The following FBXL7 variants were observed in gnomAD, a reference collection of about 807,000 sequenced individuals.
FBXL7 encodes F-box/LRR-repeat protein 7.
A neutral mutation model predicts 38.3 loss-of-function variants in FBXL7; 12 were observed. The observed-to-expected ratio is 0.31, with a 90% CI of 0.20 to 0.51. The LOEUF is 0.51. Ranked by LOEUF, FBXL7 falls within the 20% of genes least tolerant of loss-of-function variation. The probability of loss-of-function intolerance (pLI) is 0.98; values close to 1 mark genes in which losing one functional copy is unlikely to be tolerated. For synonymous variants in FBXL7, 297 were observed against 300.9 expected (o/e 0.99, Z 0.13); for missense variants, 567 against 676.4 (o/e 0.84, Z 1.79).
At chr5:15,606,506 G>A (rs897178078) in intron 1 of FBXL7, among the ~76,000 whole-genome samples, 1 of 152,238 alleles carries the variant, frequency 6.6e-6, no homozygotes, top group Non-Finnish European at 1.5e-5. Context: ...ATCTTGCTCA[G>A]TGGCCCTGAG....
intron 2 of FBXL7, among the ~76,000 whole-genome samples, chr5:15,822,049 C>G (rs1013294228): frequency 6.6e-6 from 1 of 151,968 alleles, no homozygotes; most frequent in Non-Finnish European, 1.5e-5. Context: ...CAAATCATGT[C>G]CCCTAAAACA....
At chr5:15,876,797 T>C (rs1207998070) in intron 2 of FBXL7, among the ~76,000 whole-genome samples, 1 of 152,190 alleles carries the variant, frequency 6.6e-6, no homozygotes, top group Non-Finnish European at 1.5e-5. Flanking sequence ...AGGTAATGCC[T>C]TTTAGAAAGT....
At chr5:15,564,098 C>G (rs1414391441) in intron 1 of FBXL7, among the ~76,000 whole-genome samples, 1 of 152,046 alleles carries the variant, frequency 6.6e-6, no homozygotes, top group East Asian at 1.9e-4. Flanking sequence ...CTGGTATATA[C>G]TGAACCATTT....
At chr5:15,790,863 G>A (rs1371268811) in intron 2 of FBXL7, among the ~76,000 whole-genome samples, 2 of 152,160 alleles carry the variant, frequency 1.3e-5, no homozygotes, top group Admixed American at 6.5e-5. Context: ...TATGAGAATG[G>A]TTCTCTGAAG....
At chr5:15,777,406 A>G (rs1736882505) in intron 2 of FBXL7, among the ~76,000 whole-genome samples, 1 of 152,068 alleles carries the variant, frequency 6.6e-6, no homozygotes, top group Admixed American at 6.6e-5. Flanking sequence ...TGGATAACGT[A>G]TTCCCTATCA....
intron 2 of FBXL7, among the ~76,000 whole-genome samples, chr5:15,847,380 A>G (rs1004180963): frequency 6.6e-6 from 1 of 152,090 alleles, no homozygotes; most frequent in Non-Finnish European, 1.5e-5. Flanking sequence ...CTCATCCACT[A>G]TCACAAGAAC....
chr5:15,589,640 T>C (rs1438853122), intron 1 of FBXL7, among the ~76,000 whole-genome samples: 3 of 152,198 alleles, frequency 2.0e-5, no homozygotes, highest in Non-Finnish European at 4.4e-5. Context: ...ATGAATTGCA[T>C]GATTTATTTT....
At chr5:15,769,228 T>C (rs1256209506) in intron 2 of FBXL7, among the ~76,000 whole-genome samples, 1 of 152,216 alleles carries the variant, frequency 6.6e-6, no homozygotes, top group Non-Finnish European at 1.5e-5. Context: ...CTATTCTGCA[T>C]TGGAATCCTC....
chr5:15,747,804 TCTTA>T lies in FBXL7; in HGVS notation c.127+131737_127+131740del, dbSNP rs142238886. On this transcript the variant is annotated intron_variant, in intron 2 of 3. Transcript: ENST00000504595. The stretch of plus-strand genomic sequence containing the variant: ...CCACTTATAAATATTACCCCATCTT[TCTTA>T]CTTAGGCTGCTGCTTGTCTCTGCTC... Among the ~76,000 whole-genome samples the T allele has an allele frequency of 4.3e-4, 65 of 152,232 alleles. 1 individual carries two copies. The East Asian group carries it at 0.011, about 26-fold the overall frequency.
chr5:15,582,214 C>T (rs910623811), intron 1 of FBXL7, among the ~76,000 whole-genome samples: 45 of 152,308 alleles, frequency 3.0e-4, no homozygotes, highest in African/African-American at 1.1e-3. Context: ...GCTGGGATTA[C>T]AGGTGTGAGG....
chr5:15,505,299 C>T (rs1177480829), intron 1 of FBXL7, among the ~76,000 whole-genome samples: 2 of 152,172 alleles, frequency 1.3e-5, no homozygotes, highest in African/African-American at 4.8e-5. Flanking sequence ...AATGAGGAAA[C>T]ATAGGACCAG....
intron 2 of FBXL7, among the ~76,000 whole-genome samples, chr5:15,766,592 G>A (rs1171663404): frequency 5.9e-5 from 9 of 152,180 alleles, no homozygotes; most frequent in Non-Finnish European, 7.3e-5. Context: ...TTCCATTGGC[G>A]TGTACAAGTT....
chr5:15,601,527 G>C (rs1026370535), intron 1 of FBXL7, among the ~76,000 whole-genome samples: 1 of 152,134 alleles, frequency 6.6e-6, no homozygotes, highest in Non-Finnish European at 1.5e-5. Context: ...CTGTAGGTGG[G>C]TGTGTGGGAA....
At chr5:15,560,340 T>C (rs2126436148) in intron 1 of FBXL7, among the ~76,000 whole-genome samples, 1 of 152,328 alleles carries the variant, frequency 6.6e-6, no homozygotes, top group Non-Finnish European at 1.5e-5. Flanking sequence ...ATCTTGATAA[T>C]TGACAGTAGC....
intron 2 of FBXL7, among the ~76,000 whole-genome samples, chr5:15,871,770 C>A (rs1739975552): frequency 6.6e-6 from 1 of 152,006 alleles, no homozygotes; most frequent in Non-Finnish European, 1.5e-5. Flanking sequence ...AGGAAAAAGC[C>A]TCCAGGAAAT....
intron 2 of FBXL7, among the ~76,000 whole-genome samples, chr5:15,862,188 G>A (rs1030371600): frequency 6.6e-6 from 1 of 152,100 alleles, no homozygotes; most frequent in Non-Finnish European, 1.5e-5. Context: ...GAATCATGGG[G>A]GCGGTTTCCC....
Position 15,722,917 on chromosome 5 carries a change from G to A in FBXL7, c.127+106845G>A, listed in dbSNP as rs781548003. The stretch of plus-strand genomic sequence containing the variant: ...CAGCCTGCTGACAGAGCAAGACTCC[G>A]TCTCAAAAAAAACAAAAAAAAAAAG... On this transcript the variant is annotated intron_variant, in intron 2 of 3. Coordinates refer to ENST00000504595, the MANE Select transcript of FBXL7 (RefSeq NM_012304.5). 2.6e-4 allele frequency among the ~76,000 whole-genome samples: 10 copies of A among 38,812 alleles called. No homozygotes were observed. The East Asian group carries it at 2.7e-3, about 10-fold the overall frequency. The allele number at this position is 38,812 out of a possible 152,430, so 25.5% of individuals were successfully genotyped here. A position where few individuals can be genotyped will look rare whatever the true frequency, so the allele number is the denominator to read the frequency against.
At position 15,936,187 on chromosome 5, in the gene FBXL7, A is replaced by G. The variant is rs1361961491; in HGVS notation, c.740-263A>G. Among the ~76,000 whole-genome samples, 5 of 152,272 alleles carry G rather than the reference A, an allele frequency of 3.3e-5. No individual in the cohort carries two copies. The highest frequency in any genetic ancestry group is 1.2e-4 in the African/African-American group (5 of 41,474). On this transcript the variant is annotated intron_variant, in intron 3 of 3. Coordinates refer to ENST00000504595, the MANE Select transcript of FBXL7 (RefSeq NM_012304.5). This position sits in a 1 kb window ranked among gnomAD's most constrained non-coding sequence, Gnocchi z 6.0. Reference sequence around the variant, plus strand: ...TGCTAAATGTCAGGCAAGTAGGGACAGATGACAGATCAGGAATTGGAACCA... The same window carrying G: ...TGCTAAATGTCAGGCAAGTAGGGACGGATGACAGATCAGGAATTGGAACCA...
At chr5:15,669,054 TCA>T (rs1481649303) in intron 2 of FBXL7, among the ~76,000 whole-genome samples, 2 of 152,178 alleles carry the variant, frequency 1.3e-5, no homozygotes, top group Admixed American at 6.5e-5. Flanking sequence ...TACTCCTGTG[TCA>T]CACATTGTAC....
Sources: gnomAD v4.1 joint callset for allele counts (sites outside exome capture counted in the v4.1 genomes callset) on GRCh38, gnomAD v4.1.1 for gene constraint, Gnocchi (gnomAD v3.1) non-coding constraint, MANE v1.5 for transcripts, NCBI Gene and HGNC (gene_info 2026-07-23, HGNC 2026-07-21) for gene names.